The following UBAC2 variants were observed in gnomAD, a reference collection of about 807,000 sequenced individuals.
UBAC2 encodes ubiquitin-associated domain-containing protein 2.
UBAC2 carries 26 observed loss-of-function variants against 44.0 expected under a neutral mutation model. That is an observed-to-expected ratio of 0.59 (90% confidence interval 0.43 to 0.82). UBAC2 has a LOEUF of 0.82. Among genes scored for constraint, UBAC2 ranks in the 40% least tolerant of loss-of-function variants. The pLI is 0.00. For synonymous variants in UBAC2, 155 were observed against 154.3 expected (o/e 1.00, Z -0.04); for missense variants, 329 against 419.4 (o/e 0.78, Z 1.88).
At chr13:99,236,451 A>G (rs1291990445) in intron 1 of UBAC2, among the ~76,000 whole-genome samples, 1 of 152,270 alleles carries the variant, frequency 6.6e-6, no homozygotes, top group African/African-American at 2.4e-5. Context: ...GCCAACAGGC[A>G]TATGAAAATG....
intron 8 of UBAC2, among the ~76,000 whole-genome samples, chr13:99,377,937 G>T (rs752206636): frequency 1.3e-5 from 2 of 152,198 alleles, no homozygotes; most frequent in African/African-American, 4.8e-5. Flanking sequence ...GCCACCCTGC[G>T]CTGGAGTCAG....
intron 4 of UBAC2, among the ~76,000 whole-genome samples, chr13:99,299,116 G>A (rs904097324): frequency 6.6e-6 from 1 of 152,138 alleles, no homozygotes; most frequent in African/African-American, 2.4e-5. Flanking sequence ...ACACTCAGAG[G>A]TGCCATTGCT....
At chr13:99,239,578 C>G (rs2043277496) in intron 2 of UBAC2, among the ~76,000 whole-genome samples, 1 of 152,168 alleles carries the variant, frequency 6.6e-6, no homozygotes, top group African/African-American at 2.4e-5. Context: ...AATGTAAGGG[C>G]CCCCGGGCCT....
chr13:99,205,145 G>A (rs574201860), intron 1 of UBAC2, among the ~76,000 whole-genome samples: 3 of 152,234 alleles, frequency 2.0e-5, no homozygotes, highest in South Asian at 4.1e-4. Flanking sequence ...CTCGTGATCC[G>A]CCCGCCTCGG....
At chr13:99,248,448 A>G (rs984906875) in intron 4 of UBAC2, among the ~76,000 whole-genome samples, 64 of 150,614 alleles carry the variant, frequency 4.2e-4, no homozygotes, top group Admixed American at 9.9e-4. Flanking sequence ...CTGCAGTGCA[A>G]TGGCGTGATT....
chr13:99,268,238 A>G (rs2043768450), intron 4 of UBAC2, among the ~76,000 whole-genome samples: 1 of 152,192 alleles, frequency 6.6e-6, no homozygotes, highest in Non-Finnish European at 1.5e-5. Flanking sequence ...AGCTGCTAGC[A>G]GTCTTCTCAG....
chr13:99,358,004 G>C (rs2045212461), intron 7 of UBAC2, among the ~76,000 whole-genome samples: 1 of 152,222 alleles, frequency 6.6e-6, no homozygotes, highest in South Asian at 2.1e-4. Flanking sequence ...GGAGCTAATA[G>C]GCTGTTGTGA....
chr13:99,283,185 T>C (rs2043975485), intron 4 of UBAC2, among the ~76,000 whole-genome samples: 2 of 152,342 alleles, frequency 1.3e-5, no homozygotes, highest in African/African-American at 2.4e-5. Context: ...ATGTTTAATA[T>C]TGGCTTCTAG....
At chr13:99,203,294 CA>C (rs1338792003) in intron 1 of UBAC2, among the ~76,000 whole-genome samples, 1 of 152,132 alleles carries the variant, frequency 6.6e-6, no homozygotes, top group African/African-American at 2.4e-5. Context: ...CCTCGGCCTC[CA>C]AAAGTGCTGG....
chr13:99,312,945 G>C (rs1257907666), intron 4 of UBAC2: 1 of 152,564 alleles, frequency 6.6e-6, no homozygotes, highest in African/African-American at 2.4e-5. Flanking sequence ...GGAAGGAAGG[G>C]TTTTTTTGTT....
chr13:99,360,316 G>A (rs1250064796), intron 7 of UBAC2, among the ~76,000 whole-genome samples: 1 of 152,214 alleles, frequency 6.6e-6, no homozygotes, highest in Non-Finnish European at 1.5e-5. Flanking sequence ...GCTGCAATAA[G>A]CTTATAGATG....
chr13:99,223,612 T>C (rs1234345728), intron 1 of UBAC2, among the ~76,000 whole-genome samples: 6 of 144,286 alleles, frequency 4.2e-5, no homozygotes, highest in South Asian at 2.3e-4. Context: ...TTCTTCCTAA[T>C]ATAAGCATTT....
chr13:99,252,464 CTAGTGCTTTGCT>C, intron 4 of UBAC2, among the ~76,000 whole-genome samples: 1 of 152,276 alleles, frequency 6.6e-6, no homozygotes, highest in East Asian at 1.9e-4. Context: ...ATTTCTTTTT[CTAGTGCTTTGCT>C]TAGAAATTGT....
At chr13:99,223,756 G>T (rs1411282401) in intron 1 of UBAC2, among the ~76,000 whole-genome samples, 1 of 151,692 alleles carries the variant, frequency 6.6e-6, no homozygotes, top group Admixed American at 6.6e-5. Flanking sequence ...CCCAGATATT[G>T]TTTAGAAATG....
chr13:99,209,067 T>G lies in UBAC2; in HGVS notation c.31+8128T>G, dbSNP rs75015335. ...CTCTCGCGCACAGCCTGGCTGGGAC[T>G]GCGTGTTCCTTGCCCTGGCTGTGCA... On this transcript the variant is annotated intron_variant, in intron 1 of 8. Transcript: ENST00000403766. Among the ~76,000 whole-genome samples, 972 of 152,350 alleles carry G rather than the reference T, an allele frequency of 6.4e-3. 6 individuals are homozygous for G. Among genetic ancestry groups the G allele is most frequent in the African/African-American group, 0.023 (941 of 41,572 alleles).
At chr13:99,312,229 G>T (rs966985474) in intron 4 of UBAC2, among the ~76,000 whole-genome samples, 1 of 152,172 alleles carries the variant, frequency 6.6e-6, no homozygotes, top group East Asian at 1.9e-4. Flanking sequence ...GGCCAGGAGG[G>T]TCCTGTGTTT....
intron 6 of UBAC2, among the ~76,000 whole-genome samples, chr13:99,320,639 C>G (rs962645919): frequency 2.0e-5 from 3 of 152,084 alleles, no homozygotes; most frequent in Non-Finnish European, 2.9e-5. Context: ...TTCCTATGTT[C>G]CTATACCATA....
At chr13:99,247,896 A>G (rs2043408426) in intron 4 of UBAC2, among the ~76,000 whole-genome samples, 1 of 147,938 alleles carries the variant, frequency 6.8e-6, no homozygotes, top group African/African-American at 2.5e-5. Flanking sequence ...CCTCACCACT[A>G]TATAGGAACT....
At chr13:99,280,474 G>A (rs532301219) in intron 4 of UBAC2, among the ~76,000 whole-genome samples, 42 of 152,252 alleles carry the variant, frequency 2.8e-4, no homozygotes, top group African/African-American at 9.1e-4. Flanking sequence ...TCTGCTCCAC[G>A]AAACCCTGCT....
Sources: allele counts gnomAD v4.1 joint callset (sites outside exome capture counted in the v4.1 genomes callset), GRCh38; gene constraint gnomAD v4.1.1; transcripts MANE v1.5; gene names NCBI Gene and HGNC (gene_info 2026-07-23, HGNC 2026-07-21).